The following PCDHAC2 variants were observed in gnomAD, a reference collection of about 807,000 sequenced individuals.
PCDHAC2 encodes protocadherin alpha-C2.
PCDHAC2 carries 24 observed loss-of-function variants against 63.3 expected under a neutral mutation model. The observed-to-expected ratio is 0.38, with a 90% CI of 0.27 to 0.53. PCDHAC2 has a LOEUF of 0.53. PCDHAC2 is among the 20% of genes least tolerant of loss of function. PCDHAC2 has a pLI of 0.81. For missense variants in PCDHAC2, 1,181 were observed against 1,275.2 expected (o/e 0.93, Z 1.12); for synonymous variants, 569 against 529.4 (o/e 1.07, Z -1.03).
intron 3 of PCDHAC2, among the ~76,000 whole-genome samples, chr5:141,007,754 T>C (rs991882656): frequency 6.6e-6 from 1 of 152,172 alleles, no homozygotes; most frequent in African/African-American, 2.4e-5. Flanking sequence ...AACTTTGGAC[T>C]CTTATTGGCC....
In PCDHAC2 at chr5:140,966,746, C is replaced by T; in HGVS notation, c.-21C>T. 1.4e-6 allele frequency: 2 copies of T among 1,425,932 alleles called. No individual in the cohort carries two copies. The highest frequency in any genetic ancestry group is 1.8e-6 in the Non-Finnish European group (2 of 1,095,148). The allele number at this position is 1,425,932 out of a possible 1,614,324, so 88.3% of individuals were successfully genotyped here. On this transcript the variant is annotated 5_prime_UTR_variant, in exon 1 of 4. Transcript: ENST00000289269. ...TGCCGCCTCCGGCCCTGCCCGGCTG[C>T]CTCCGCCGCGGCCAGTGGCTATGGA...
At chr5:140,994,515 C>T (rs1450335712) in intron 3 of PCDHAC2, among the ~76,000 whole-genome samples, 1 of 150,120 alleles carries the variant, frequency 6.7e-6, no homozygotes, top group African/African-American at 2.5e-5. Flanking sequence ...ACAGCCTGGG[C>T]AACATGGCAA....
intron 1 of PCDHAC2, among the ~76,000 whole-genome samples, chr5:140,975,698 T>C (rs1298498012): frequency 6.6e-6 from 1 of 152,202 alleles, no homozygotes; most frequent in Non-Finnish European, 1.5e-5. Flanking sequence ...TTTAAACTTA[T>C]TTTACTTTAA....
intron 2 of PCDHAC2, among the ~76,000 whole-genome samples, chr5:140,981,605 C>CT (rs1444386694): frequency 1.1e-4 from 17 of 152,174 alleles, no homozygotes; most frequent in African/African-American, 2.9e-4. Context: ...AAATGTTCCT[C>CT]TAATTTTGAT....
At chr5:140,984,945 C>CA (rs1307962082) in intron 3 of PCDHAC2, among the ~76,000 whole-genome samples, 2 of 149,212 alleles carry the variant, frequency 1.3e-5, no homozygotes, top group African/African-American at 4.9e-5. Flanking sequence ...AATGTCTAAT[C>CA]TTTTTTTTTT....
At chr5:140,986,293 CAG>C (rs1447196504) in intron 3 of PCDHAC2, among the ~76,000 whole-genome samples, 2 of 152,124 alleles carry the variant, frequency 1.3e-5, no homozygotes, top group Admixed American at 6.5e-5. Flanking sequence ...TGAGACTGAG[CAG>C]AGAGAGAAAA....
intron 3 of PCDHAC2, among the ~76,000 whole-genome samples, chr5:140,983,854 T>C (rs1554245766): frequency 6.6e-6 from 1 of 152,206 alleles, no homozygotes; most frequent in Admixed American, 6.5e-5. Flanking sequence ...TTAAGTAACA[T>C]GCAGCTAAGG....
At position 141,009,772 on chromosome 5, in the gene PCDHAC2, C is replaced by G. The variant is rs782009776; in HGVS notation, c.2859C>G (p.Ile953Met). Residue 953 changes from isoleucine (I) to methionine (M), a missense_variant, in exon 4 of 4, where the codon ATC becomes ATG. By Grantham distance (10) the Ile-to-Met change is conservative (BLOSUM62 1). Transcript: ENST00000289269. ...TCATTATCCCAGGATCTCCTGCAAT[C>G]ATCTCCATCCGGCAGGAGCCTACTA... ...DKFIIPGSPA[I>M]ISIRQEPTNS... 4 of 1,614,158 alleles carry G rather than the reference C, an allele frequency of 2.5e-6. No individual in the cohort carries two copies. The East Asian group carries it at 8.9e-5, about 36-fold the overall frequency.
intron 3 of PCDHAC2, among the ~76,000 whole-genome samples, chr5:140,993,043 A>G (rs1402138607): frequency 1.3e-5 from 2 of 152,186 alleles, no homozygotes; most frequent in Non-Finnish European, 2.9e-5. Context: ...TGTGTCATCA[A>G]GATGTCAATC....
At chr5:140,976,818 G>A (rs782290955) in intron 1 of PCDHAC2, among the ~76,000 whole-genome samples, 5 of 152,208 alleles carry the variant, frequency 3.3e-5, no homozygotes, top group Admixed American at 6.5e-5. Flanking sequence ...ATATGCATGT[G>A]TCTAATGAGC....
chr5:140,977,314 C>CTCCTGATG (rs1482871612), intron 1 of PCDHAC2, among the ~76,000 whole-genome samples: 1 of 152,152 alleles, frequency 6.6e-6, no homozygotes, highest in African/African-American at 2.4e-5. Context: ...AACGATAGTG[C>CTCCTGATG]TCCTGATGGC....
At chr5:141,007,145 A>C (rs528280563) in intron 3 of PCDHAC2, among the ~76,000 whole-genome samples, 1 of 152,330 alleles carries the variant, frequency 6.6e-6, no homozygotes, top group Admixed American at 6.5e-5. Context: ...CTGACAAAGG[A>C]AACTGTCAAA....
At chr5:140,989,582 G>A (rs1554250917) in intron 3 of PCDHAC2, among the ~76,000 whole-genome samples, 1 of 152,200 alleles carries the variant, frequency 6.6e-6, no homozygotes, top group Non-Finnish European at 1.5e-5. Flanking sequence ...CCTGTCCTCA[G>A]CCTCACTGAC....
intron 1 of PCDHAC2, among the ~76,000 whole-genome samples, chr5:140,975,707 A>C (rs1445809800): frequency 6.6e-6 from 1 of 152,204 alleles, no homozygotes; most frequent in African/African-American, 2.4e-5. Context: ...ATTTTACTTT[A>C]AATCTTAGAA....
chr5:140,987,120 A>G (rs1224513029), intron 3 of PCDHAC2, among the ~76,000 whole-genome samples: 9 of 151,956 alleles, frequency 5.9e-5, no homozygotes, highest in African/African-American at 2.2e-4. Context: ...AGGCTGAGGC[A>G]GGAGAATTGC....
At chr5:141,000,395 CTATATATA>C (rs1190667031) in intron 3 of PCDHAC2, among the ~76,000 whole-genome samples, 7 of 53,980 alleles carry the variant, frequency 1.3e-4, no homozygotes, top group South Asian at 8.9e-4. Flanking sequence ...CTCTCTCTCT[CTATATATA>C]TATATATATA....
In PCDHAC2 at chr5:140,967,921, C is replaced by G. The variant is rs781932025; in HGVS notation, c.1155C>G (p.Ala385=). 1 of 1,614,172 alleles carries G rather than the reference C, an allele frequency of 6.2e-7. No individual in the cohort carries two copies. Among genetic ancestry groups the G allele is most frequent in the East Asian group, 2.2e-5 (1 of 44,890 alleles). Residue 385 remains alanine, a synonymous_variant, in exon 1 of 4, where the codon GCC becomes GCG. Coordinates refer to ENST00000289269, the MANE Select transcript of PCDHAC2 (RefSeq NM_018899.6). The part of the protein sequence containing the change: ...PENATPNTIV[A]VLSVNDQDSG... ...ATGCTACACCCAACACCATTGTGGC[C>G]GTTCTCAGTGTCAATGACCAAGACT...
intron 3 of PCDHAC2, among the ~76,000 whole-genome samples, chr5:140,994,753 G>A (rs143791883): frequency 1.1e-4 from 16 of 152,252 alleles, no homozygotes; most frequent in African/African-American, 3.9e-4. Context: ...AGTAGGATGT[G>A]GAGAGGAAGA....
chr5:140,967,456 G>C lies in PCDHAC2; in HGVS notation c.690G>C (p.Val230=). The part of the protein sequence containing the change: ...AALHHLVLTA[V]DGGIPARSGT... ...TGCACCACCTGGTTCTCACAGCCGT[G>C]GATGGGGGCATCCCAGCCCGCTCGG... is the stretch of plus-strand genomic sequence containing the variant. The change falls in exon 1 of 4, where the codon GTG becomes GTC. Residue 230 remains valine (V), a synonymous_variant. Coordinates refer to ENST00000289269, the MANE Select transcript of PCDHAC2 (RefSeq NM_018899.6). The C allele has an allele frequency of 6.2e-7, 1 of 1,613,598 alleles. No individual in the cohort carries two copies. Among genetic ancestry groups the C allele is most frequent in the Non-Finnish European group, 8.5e-7 (1 of 1,179,878 alleles).
Sources: gnomAD v4.1 joint callset for allele counts (sites outside exome capture counted in the v4.1 genomes callset) on GRCh38, gnomAD v4.1.1 for gene constraint, MANE v1.5 for transcripts, NCBI Gene and HGNC (gene_info 2026-07-23, HGNC 2026-07-21) for gene names.